The following LINGO2 variants were observed in gnomAD, a reference collection of about 807,000 sequenced individuals.
LINGO2 encodes the protein leucine rich repeat and Ig domain containing 2.
LINGO2 carries 14 observed loss-of-function variants against 30.6 expected under a neutral mutation model. The ratio of observed to expected loss-of-function variants is 0.46; its 90% CI spans 0.30 to 0.72. LINGO2 has a LOEUF of 0.72. LINGO2 is among the 30% of genes least tolerant of loss of function. The pLI is 0.07. For synonymous variants in LINGO2, 317 were observed against 288.5 expected, an observed-to-expected ratio of 1.10 and a Z score of -1.00; for missense variants, 729 against 751.7, an observed-to-expected ratio of 0.97 and a Z score of 0.35.
rs193199322 is a variant in LINGO2, at chr9:28,000,829, G to T, written c.-36+11526C>A. On this transcript the variant is annotated intron_variant, in intron 5 of 5. Coordinates refer to ENST00000379992, the Ensembl canonical transcript of LINGO2. ...TCTAGCCTGATAGAAACTTTATCCA[G>T]ACTCTCAAGTTGGGAGCCACTGTAC... Among the ~76,000 whole-genome samples, 290 of 152,276 alleles carry T rather than the reference G, an allele frequency of 1.9e-3. 1 individual carries two copies. The highest frequency in any genetic ancestry group is 6.7e-3 in the African/African-American group (278 of 41,564).
the LINGO2 span, among the ~76,000 whole-genome samples, chr9:28,790,325 C>CTTTCTTTTTTTTTTTTTTTTTTTT: frequency 1.5e-4 from 16 of 106,270 alleles, 1 homozygote; most frequent in African/African-American, 6.2e-4. Context: ...TCTTTTCTTT[C>CTTTCTTTTTTTTTTTTTTTTTTTT]TTTTTTTTTT....
intron 4 of LINGO2, among the ~76,000 whole-genome samples, chr9:28,237,865 C>A (rs1821634844): frequency 6.6e-6 from 1 of 151,752 alleles, no homozygotes; most frequent in Non-Finnish European, 1.5e-5. Flanking sequence ...AAAACACACA[C>A]AAAAACAAAC....
chr9:28,692,866 T>C, the LINGO2 span, among the ~76,000 whole-genome samples: 1 of 152,190 alleles, frequency 6.6e-6, no homozygotes, highest in Non-Finnish European at 1.5e-5. Flanking sequence ...TATATTGCCT[T>C]ATACTTTTAA....
chr9:28,992,681 A>T, the LINGO2 span, among the ~76,000 whole-genome samples: 7 of 152,204 alleles, frequency 4.6e-5, no homozygotes, highest in African/African-American at 1.7e-4. Flanking sequence ...ACCACAGTGC[A>T]ATCAAACTAG....
chr9:29,080,347 G>C, the LINGO2 span, among the ~76,000 whole-genome samples: 1 of 151,564 alleles, frequency 6.6e-6, no homozygotes, highest in African/African-American at 2.4e-5. Context: ...TTCTTTATTA[G>C]TCTTGCTAGC....
At chr9:28,609,019 G>A (rs907649147) in intron 1 of LINGO2, among the ~76,000 whole-genome samples, 1 of 151,760 alleles carries the variant, frequency 6.6e-6, no homozygotes, top group South Asian at 2.1e-4. Context: ...TAGCTTCAAG[G>A]CTATTTCAAA....
At chr9:28,523,598 A>C (rs1444768529) in intron 1 of LINGO2, among the ~76,000 whole-genome samples, 2 of 152,144 alleles carry the variant, frequency 1.3e-5, no homozygotes, top group Non-Finnish European at 2.9e-5. Flanking sequence ...TGTAGGACAC[A>C]AGATCAACAC....
chr9:28,965,130 T>A, the LINGO2 span, among the ~76,000 whole-genome samples: 9 of 151,972 alleles, frequency 5.9e-5, no homozygotes, highest in Admixed American at 1.3e-4. Context: ...CATTCCATCC[T>A]GATAACGAAC....
intron 4 of LINGO2, among the ~76,000 whole-genome samples, chr9:28,165,201 A>G (rs2133619422): frequency 6.6e-6 from 1 of 152,364 alleles, no homozygotes; most frequent in African/African-American, 2.4e-5. Flanking sequence ...CACAACATTT[A>G]CAATTCCTTT....
chr9:28,207,020 T>G (rs1283360982), intron 4 of LINGO2, among the ~76,000 whole-genome samples: 1 of 152,198 alleles, frequency 6.6e-6, no homozygotes, highest in Non-Finnish European at 1.5e-5. Flanking sequence ...TCTTATTTAT[T>G]TTAACTGTTA....
the LINGO2 span, among the ~76,000 whole-genome samples, chr9:28,776,773 T>G: frequency 6.6e-6 from 1 of 151,992 alleles, no homozygotes; most frequent in East Asian, 1.9e-4. Context: ...ATGAGTGAGA[T>G]TTGTGTCAGA....
chr9:27,990,781 T>G (rs988798021), intron 5 of LINGO2, among the ~76,000 whole-genome samples: 1 of 152,066 alleles, frequency 6.6e-6, no homozygotes, highest in Non-Finnish European at 1.5e-5. Context: ...TACTACATCA[T>G]CTCTGCCTAG....
At chr9:28,360,940 T>G (rs554398163) in intron 3 of LINGO2, among the ~76,000 whole-genome samples, 14 of 152,218 alleles carry the variant, frequency 9.2e-5, no homozygotes, top group Non-Finnish European at 1.6e-4. Context: ...AGTCCCCCCC[T>G]TATTTGTGGT....
chr9:28,191,032 AT>A (rs1390639170), intron 4 of LINGO2, among the ~76,000 whole-genome samples: 1 of 152,126 alleles, frequency 6.6e-6, no homozygotes, highest in Non-Finnish European at 1.5e-5. Flanking sequence ...TGAAGGCAGT[AT>A]GTCTTAAGGA....
the LINGO2 span, among the ~76,000 whole-genome samples, chr9:28,921,297 T>C: frequency 6.6e-6 from 1 of 152,158 alleles, no homozygotes; most frequent in Non-Finnish European, 1.5e-5. Flanking sequence ...TCTTCATTTG[T>C]GAATCCCTCC....
At chr9:29,002,136 C>G in the LINGO2 span, among the ~76,000 whole-genome samples, 1 of 151,914 alleles carries the variant, frequency 6.6e-6, no homozygotes, top group African/African-American at 2.4e-5. Context: ...TTATTAAAGT[C>G]CCCATTGCTT....
At chr9:28,868,732 T>G in the LINGO2 span, among the ~76,000 whole-genome samples, 21 of 152,230 alleles carry the variant, frequency 1.4e-4, 1 homozygote, top group African/African-American at 4.8e-4. Flanking sequence ...GGAACAGCAG[T>G]TCAGCTGAGT....
At chr9:28,465,335 C>T (rs576885242) in intron 2 of LINGO2, among the ~76,000 whole-genome samples, 12 of 152,254 alleles carry the variant, frequency 7.9e-5, no homozygotes, top group African/African-American at 1.9e-4. Flanking sequence ...TAACCATCCC[C>T]GGCTGAACTC....
chr9:28,017,645 G>A (rs1213401016), intron 4 of LINGO2, among the ~76,000 whole-genome samples: 1 of 152,086 alleles, frequency 6.6e-6, no homozygotes, highest in African/African-American at 2.4e-5. Context: ...TAGGAATACA[G>A]CTAATCAGGG....
Sources: gnomAD v4.1 joint callset for allele counts (sites outside exome capture counted in the v4.1 genomes callset) on GRCh38, gnomAD v4.1.1 for gene constraint, MANE v1.5 for transcripts, NCBI Gene and HGNC (gene_info 2026-07-23, HGNC 2026-07-21) for gene names.